The following ANKRD30B variants were observed in gnomAD, a reference collection of about 807,000 sequenced individuals.
ANKRD30B encodes the protein ankyrin repeat domain-containing protein 30B.
A neutral mutation model predicts 202.2 loss-of-function variants in ANKRD30B; 144 were observed. That is an observed-to-expected ratio of 0.71 (90% CI 0.62 to 0.82). The LOEUF (loss-of-function observed/expected upper bound fraction) is 0.82, where lower values mean the gene tolerates loss of function less well. Ranked by LOEUF, ANKRD30B falls within the 40% of genes least tolerant of loss-of-function variation. The pLI, the probability that ANKRD30B is intolerant of heterozygous loss-of-function variation, is 0.00. For synonymous variants in ANKRD30B, 508 were observed against 561.3 expected (o/e 0.91, Z 1.34); for missense variants, 1,487 against 1,669.1 (o/e 0.89, Z 1.90).
intron 18 of ANKRD30B, among the ~76,000 whole-genome samples, chr18:14,797,129 G>T (rs955148168): frequency 7.2e-5 from 11 of 152,126 alleles, no homozygotes; most frequent in Admixed American, 6.5e-4. Context: ...AAGGGAGTAT[G>T]CCTTAACCCT....
intron 24 of ANKRD30B, among the ~76,000 whole-genome samples, chr18:14,807,314 A>G (rs947984930): frequency 1.6e-4 from 24 of 151,038 alleles, no homozygotes; most frequent in South Asian, 1.1e-3. Context: ...CTTGAAGCTA[A>G]GCTTTCTATA....
chr18:14,825,695 A>G (rs1229700645), intron 32 of ANKRD30B, among the ~76,000 whole-genome samples: 1 of 152,098 alleles, frequency 6.6e-6, no homozygotes, highest in East Asian at 1.9e-4. Flanking sequence ...ACTTTGTCCG[A>G]TCCCCTACAG....
chr18:14,760,174 T>C (rs978697130), intron 5 of ANKRD30B, among the ~76,000 whole-genome samples: 2 of 152,220 alleles, frequency 1.3e-5, no homozygotes, highest in African/African-American at 2.4e-5. Context: ...AATAACCTAG[T>C]GAAATAAGTC....
chr18:14,855,638 AG>A (rs1431553953), downstream of ANKRD30B, among the ~76,000 whole-genome samples: 4 of 149,030 alleles, frequency 2.7e-5, no homozygotes, highest in African/African-American at 9.9e-5. Flanking sequence ...AAGGGCAGCC[AG>A]GCAGAGGCAC....
At chr18:14,760,509 A>T in intron 5 of ANKRD30B, 45 bp from the exon 6 acceptor site, 1 of 1,086,718 alleles carries the variant, frequency 9.2e-7, no homozygotes, top group Non-Finnish European at 1.3e-6. Flanking sequence ...TGTTTTTTAT[A>T]TCTTGTTAAA....
At chr18:14,766,508 G>GAAAAGAAAAGAAAAGAAAAGAAAAA (rs1916242980) in intron 7 of ANKRD30B, among the ~76,000 whole-genome samples, 1 of 124,886 alleles carries the variant, frequency 8.0e-6, no homozygotes, top group Non-Finnish European at 1.8e-5. Context: ...GAAAAGAAAA[G>GAAAAGAAAAGAAAAGAAAAGAAAAA]AAAAGAAAAG....
At chr18:14,913,546 A>G in the ANKRD30B span, among the ~76,000 whole-genome samples, 2 of 152,362 alleles carry the variant, frequency 1.3e-5, no homozygotes, top group South Asian at 4.1e-4. Context: ...CTTCATCAGG[A>G]CAGGATCTGC....
At chr18:14,935,743 A>ACGTGCC in the ANKRD30B span, among the ~76,000 whole-genome samples, 117 of 152,320 alleles carry the variant, frequency 7.7e-4, no homozygotes, top group Middle Eastern at 3.4e-3. Context: ...GTATGTGTGC[A>ACGTGCC]TCTGTATGCC....
At chr18:14,901,567 T>TTC in the ANKRD30B span, among the ~76,000 whole-genome samples, 2 of 151,526 alleles carry the variant, frequency 1.3e-5, no homozygotes, top group East Asian at 1.9e-4. Context: ...TTTTTTTTTT[T>TTC]CTTCCTTTCT....
intron 16 of ANKRD30B, among the ~76,000 whole-genome samples, chr18:14,794,860 T>G (rs1968767535): frequency 6.6e-6 from 1 of 152,142 alleles, no homozygotes; most frequent in Admixed American, 6.5e-5. Context: ...TATTAAAGTG[T>G]GTCTTACTGA....
the ANKRD30B span, among the ~76,000 whole-genome samples, chr18:14,940,420 TG>T: frequency 6.6e-6 from 1 of 152,016 alleles, no homozygotes; most frequent in Non-Finnish European, 1.5e-5. Flanking sequence ...GCAACAGAGT[TG>T]GGGGTCTATC....
chr18:14,798,803 A>G (rs530894574), intron 20 of ANKRD30B, among the ~76,000 whole-genome samples: 6 of 152,168 alleles, frequency 3.9e-5, no homozygotes, highest in African/African-American at 7.2e-5. Context: ...CACATCACCC[A>G]CTGTTGGCTC....
Position 14,769,380 on chromosome 18 carries a change from C to A in ANKRD30B, c.1256+7C>A. The A allele has an allele frequency of 1.9e-6, 3 of 1,543,838 alleles. No homozygotes were observed. The highest frequency in any genetic ancestry group is 2.6e-6 in the Non-Finnish European group (3 of 1,143,272). ...CTGTAGAGCCTATATTCAGGTAAGA[C>A]TTTGCGGTTTTTTAAAACGAATAGG... is the stretch of plus-strand genomic sequence containing the variant. On this transcript the variant is annotated splice_region_variant and intron_variant, in intron 8 of 43. Transcript: ENST00000690538.
At chr18:14,862,996 T>C in the ANKRD30B span, among the ~76,000 whole-genome samples, 1 of 152,236 alleles carries the variant, frequency 6.6e-6, no homozygotes, top group Non-Finnish European at 1.5e-5. Context: ...CTGTACTGCA[T>C]TGAATATTGG....
In ANKRD30B at chr18:14,835,323, T is replaced by G. The variant is rs533275815; in HGVS notation, c.2848-1888T>G. Among the ~76,000 whole-genome samples, 9 of 151,654 alleles carry G rather than the reference T, an allele frequency of 5.9e-5. No homozygotes were observed. In the East Asian group the frequency reaches 1.8e-3, roughly 30 times the overall value. On this transcript the variant is annotated intron_variant, in intron 34 of 43. Coordinates refer to ENST00000690538, the MANE Select transcript of ANKRD30B (RefSeq NM_001367607.2). ...ATGTAATCAGTATTTGTCAATTGTT[T>G]TAAAGTAAAGTACCTATTATCATAG...
At chr18:14,874,332 T>A in the ANKRD30B span, among the ~76,000 whole-genome samples, 2 of 152,164 alleles carry the variant, frequency 1.3e-5, no homozygotes, top group Non-Finnish European at 2.9e-5. Flanking sequence ...CTGTAGTATG[T>A]TTAAAAGAGG....
At chr18:14,838,843 T>C (rs1971289937) in intron 36 of ANKRD30B, among the ~76,000 whole-genome samples, 1 of 152,252 alleles carries the variant, frequency 6.6e-6, no homozygotes, top group Non-Finnish European at 1.5e-5. Flanking sequence ...GAAATAATGT[T>C]GTAACAAATG....
chr18:14,766,052 G>T (rs1276090973), intron 7 of ANKRD30B, among the ~76,000 whole-genome samples: 1 of 152,142 alleles, frequency 6.6e-6, no homozygotes, highest in Non-Finnish European at 1.5e-5. Context: ...TAAAGCAAGG[G>T]CAGAAAAGAG....
chr18:14,922,143 GGA>G, the ANKRD30B span, among the ~76,000 whole-genome samples: 1 of 152,120 alleles, frequency 6.6e-6, no homozygotes, highest in Non-Finnish European at 1.5e-5. Context: ...GTTTGTTGGA[GGA>G]GAGAGAGAGT....
Sources: allele counts gnomAD v4.1 joint callset (sites outside exome capture counted in the v4.1 genomes callset), GRCh38; gene constraint gnomAD v4.1.1; transcripts MANE v1.5; gene names NCBI Gene and HGNC (gene_info 2026-07-23, HGNC 2026-07-21).